The following TOGARAM1 variants were observed in gnomAD, a reference collection of about 807,000 sequenced individuals.
The protein encoded by TOGARAM1 is TOG array regulator of axonemal microtubules 1.
TOGARAM1 carries 100 observed loss-of-function variants against 166.6 expected under a neutral mutation model. That is an observed-to-expected ratio of 0.60 (90% CI 0.51 to 0.71). TOGARAM1 has a LOEUF of 0.71. Among genes scored for constraint, TOGARAM1 ranks in the 30% least tolerant of loss-of-function variants. TOGARAM1 has a pLI of 0.00. For synonymous variants in TOGARAM1, 758 were observed against 763.8 expected, an observed-to-expected ratio of 0.99 and a Z score of 0.13; for missense variants, 2,029 against 2,102.7, an observed-to-expected ratio of 0.96 and a Z score of 0.69.
intron 5 of TOGARAM1, chr14:45,006,822 A>C (rs10132762): frequency 1.3e-5 from 2 of 152,152 alleles, no homozygotes; most frequent in Non-Finnish European, 2.9e-5. Flanking sequence ...GTGAACTGCA[A>C]TGAACATATT....
chr14:45,042,932 G>C (rs1298016971), intron 11 of TOGARAM1, among the ~76,000 whole-genome samples: 1 of 152,142 alleles, frequency 6.6e-6, no homozygotes, highest in East Asian at 1.9e-4. Context: ...AGCTCTGATG[G>C]AGATGTACAA....
intron 3 of TOGARAM1, among the ~76,000 whole-genome samples, chr14:45,001,882 A>G (rs1395062546): frequency 1.3e-5 from 2 of 152,330 alleles, no homozygotes; most frequent in East Asian, 3.9e-4. Context: ...GAGACCGGTT[A>G]TCAGTCAGGA....
chr14:45,035,233 A>C (rs1881363160), intron 11 of TOGARAM1, among the ~76,000 whole-genome samples: 1 of 152,146 alleles, frequency 6.6e-6, no homozygotes, highest in East Asian at 1.9e-4. Context: ...GGTGATGCAC[A>C]CCTGTAGTCC....
chr14:44,965,291 A>C (rs1885468664), intron 1 of TOGARAM1, among the ~76,000 whole-genome samples: 1 of 152,210 alleles, frequency 6.6e-6, no homozygotes, highest in Non-Finnish European at 1.5e-5. Flanking sequence ...TATGTAACAG[A>C]CAGCCTGTAT....
intron 6 of TOGARAM1, 101 bp downstream of exon 6, chr14:45,009,246 G>A (rs924179781): frequency 1.5e-5 from 13 of 861,218 alleles, no homozygotes; most frequent in Admixed American, 1.5e-4. Flanking sequence ...TTATGTTTTA[G>A]TTTTTAAAAT....
intron 1 of TOGARAM1, among the ~76,000 whole-genome samples, chr14:44,975,666 C>T (rs1337067922): frequency 2.0e-5 from 3 of 151,788 alleles, no homozygotes; most frequent in Non-Finnish European, 4.4e-5. Flanking sequence ...AGGGTTTCAC[C>T]ATGTTGGCCA....
chr14:44,977,283 G>A (rs1289962626), intron 1 of TOGARAM1, among the ~76,000 whole-genome samples: 2 of 141,904 alleles, frequency 1.4e-5, no homozygotes, highest in East Asian at 4.1e-4. Context: ...TGCCCAGGCT[G>A]GAGTGTAGTA....
chr14:44,998,034 T>G (rs532905179), intron 2 of TOGARAM1, among the ~76,000 whole-genome samples: 6 of 152,340 alleles, frequency 3.9e-5, no homozygotes, highest in Admixed American at 6.5e-5. Flanking sequence ...TTTGTTGGGT[T>G]TGATTTTAGA....
intron 5 of TOGARAM1, chr14:45,006,490 C>A (rs1879441347): frequency 2.7e-6 from 1 of 373,212 alleles, no homozygotes; most frequent in Non-Finnish European, 4.9e-6. Context: ...ACTGTATTTT[C>A]TTCAAGTATT....
At chr14:44,966,679 A>C (rs966185479) in intron 1 of TOGARAM1, among the ~76,000 whole-genome samples, 1 of 152,034 alleles carries the variant, frequency 6.6e-6, no homozygotes, top group African/African-American at 2.4e-5. Flanking sequence ...GTGTCCTTTT[A>C]ACATGACTGT....
At chr14:44,988,549 TAA>T (rs1235270482) in intron 1 of TOGARAM1, among the ~76,000 whole-genome samples, 3 of 152,242 alleles carry the variant, frequency 2.0e-5, no homozygotes, top group African/African-American at 7.2e-5. Context: ...GTTGATCAGT[TAA>T]AGAGACAAAA....
At chr14:45,011,108 AG>A (rs943285270) in intron 6 of TOGARAM1, among the ~76,000 whole-genome samples, 24 of 152,256 alleles carry the variant, frequency 1.6e-4, no homozygotes, top group African/African-American at 5.3e-4. Context: ...AACATTCTTC[AG>A]TTGGCTTTCT....
chr14:45,016,052 T>A (rs570627897), intron 7 of TOGARAM1, among the ~76,000 whole-genome samples: 2 of 151,742 alleles, frequency 1.3e-5, no homozygotes, highest in African/African-American at 4.8e-5. Flanking sequence ...AATTCTGGAT[T>A]AAAAAAAATT....
intron 7 of TOGARAM1, among the ~76,000 whole-genome samples, chr14:45,019,457 C>G (rs1346919877): frequency 6.6e-6 from 1 of 152,084 alleles, no homozygotes. Flanking sequence ...AAACAAAAAC[C>G]TTGAGTGGTT....
Position 44,995,883 on chromosome 14 carries a change from T to G in TOGARAM1, c.2184T>G (p.Cys728Trp), listed in dbSNP as rs777557168. The G allele has an allele frequency of 6.2e-7, 1 of 1,608,780 alleles. No homozygotes were observed. ...ATAGTCGGGATTTTAACCCAGATTG[T>G]CTTCCTTTATGTGCTGCTGGTAAGT... ...FQNSRDFNPD[C>W]LPLCAAGTTG... The change falls in exon 2 of 20, where the codon TGT becomes TGG. Residue 728 changes from cysteine (C) to tryptophan (W), a missense_variant. Cys to Trp is a radical substitution (Grantham distance 215). Around this residue, in one of 2 missense-constraint regions of TOGARAM1, gnomAD observed 1,453 missense variants for 1,432.2 expected, o/e 1.01. Transcript: ENST00000361462.
At chr14:44,998,529 A>T (rs1387600784) in intron 2 of TOGARAM1, among the ~76,000 whole-genome samples, 1 of 152,200 alleles carries the variant, frequency 6.6e-6, no homozygotes. Flanking sequence ...AGCCTTAAAT[A>T]ACTGAGGCAG....
rs1252129256 is a variant in TOGARAM1 at position 45,009,112 on chromosome 14, C to T, written c.3104C>T (p.Ser1035Phe). The T allele has an allele frequency of 2.5e-6, 4 of 1,613,900 alleles. No individual in the cohort carries two copies. Among genetic ancestry groups the T allele is most frequent in the East Asian group, 4.5e-5 (2 of 44,872 alleles). The change falls in exon 6 of 20, where the codon TCT (serine) becomes TTT (phenylalanine). Residue 1035 changes from serine to phenylalanine, a missense_variant. By Grantham distance (155) the Ser-to-Phe change is radical. Coordinates refer to ENST00000361462, the MANE Select transcript of TOGARAM1 (RefSeq NM_001308120.2). ...GVYSQESLTS[S>F]LSTTPQGKRI... ...TACAGCCAAGAATCATTGACTTCTT[C>T]TCTGTCTACAACTCCCCAGGGGAAG...
chr14:45,048,245 G>A lies in TOGARAM1; in HGVS notation c.4313+1542G>A, dbSNP rs191547135. 3.3e-5 allele frequency among the ~76,000 whole-genome samples: 5 copies of A among 149,362 alleles called. No homozygotes were observed. The South Asian group carries it at 6.4e-4, about 19-fold the overall frequency. ...CATGCGCCTGTAGTTCCAGCTACTC[G>A]GGAGGCTGAGGCAGGAGAATCTCTT... On this transcript the variant is annotated intron_variant, in intron 14 of 19. Transcript: ENST00000361462.
chr14:45,036,940 C>A (rs1739615018), intron 11 of TOGARAM1, among the ~76,000 whole-genome samples: 1 of 152,160 alleles, frequency 6.6e-6, no homozygotes, highest in African/African-American at 2.4e-5. Flanking sequence ...AAAGGCACTT[C>A]TTATATGGTG....
Sources: gnomAD v4.1 joint callset for allele counts (sites outside exome capture counted in the v4.1 genomes callset) on GRCh38, gnomAD v4.1.1 for gene constraint, gnomAD v4.1.1 regional missense constraint, MANE v1.5 for transcripts, NCBI Gene and HGNC (gene_info 2026-07-23, HGNC 2026-07-21) for gene names.